CHEK1: variants seen among roughly 807,000 people sequenced by gnomAD.
The protein encoded by CHEK1 is checkpoint kinase 1.
A neutral mutation model predicts 60.2 loss-of-function variants in CHEK1; 32 were observed. That is an observed-to-expected ratio of 0.53 (90% confidence interval 0.40 to 0.71). CHEK1 has a LOEUF of 0.71. CHEK1 is among the 30% of genes least tolerant of loss of function. The pLI is 0.00. For missense variants in CHEK1, 399 were observed against 564.6 expected, an observed-to-expected ratio of 0.71 and a Z score of 2.97; for synonymous variants, 179 against 187.2, an observed-to-expected ratio of 0.96 and a Z score of 0.36.
At chr11:125,674,317 G>C (rs999323651) in intron 13 of CHEK1, among the ~76,000 whole-genome samples, 1 of 152,164 alleles carries the variant, frequency 6.6e-6, no homozygotes, top group African/African-American at 2.4e-5. Context: ...TTGGTATTTT[G>C]ATTAAGGGGG....
intron 13 of CHEK1, among the ~76,000 whole-genome samples, chr11:125,663,517 T>G (rs1942052697): frequency 6.6e-6 from 1 of 152,110 alleles, no homozygotes; most frequent in African/African-American, 2.4e-5. Context: ...ATTTGTTTAT[T>G]TTTATGTATT....
chr11:125,679,406 CAG>C (rs908184564), downstream of CHEK1, among the ~76,000 whole-genome samples: 29 of 151,986 alleles, frequency 1.9e-4, 1 homozygote, highest in African/African-American at 6.5e-4. Flanking sequence ...TTAGTAGAGA[CAG>C]GGTCTCGCCA....
chr11:125,674,406 A>C (rs982079003), intron 13 of CHEK1, among the ~76,000 whole-genome samples: 6 of 152,240 alleles, frequency 3.9e-5, no homozygotes, highest in African/African-American at 1.4e-4. Context: ...TCGATTAGAA[A>C]GGAAAGAGGA....
At chr11:125,658,959 T>A (rs1941966170), downstream of CHEK1, among the ~76,000 whole-genome samples, 1 of 152,190 alleles carries the variant, frequency 6.6e-6, no homozygotes, top group Admixed American at 6.5e-5. Flanking sequence ...GTGCTGGGAT[T>A]ACAGGTGTGA....
rs1262483486 is a variant in CHEK1 at position 125,625,822 on chromosome 11, T to C, written c.-211T>C. 1.4e-6 allele frequency: 1 copy of C among 702,590 alleles called. No individual in the cohort carries two copies. The highest frequency in any genetic ancestry group is 2.6e-6 in the Non-Finnish European group (1 of 384,966). The allele number at this position is 702,590 out of a possible 1,614,324, so 43.5% of individuals were successfully genotyped here. On this transcript the variant is annotated 5_prime_UTR_variant, in exon 1 of 13. Coordinates refer to ENST00000438015, the MANE Select transcript of CHEK1 (RefSeq NM_001114122.3). ...TCTCTCCCCGACTGCAAAGCAGCCC[T>C]GGGCGGGAGCGGCAACATCTCCACG...
intron 13 of CHEK1, among the ~76,000 whole-genome samples, chr11:125,664,786 A>G (rs1942071084): frequency 6.6e-6 from 1 of 152,014 alleles, no homozygotes; most frequent in African/African-American, 2.4e-5. Context: ...ATGTAATACT[A>G]TGTCTGTTTT....
chr11:125,662,657 C>T (rs1048573197), intron 13 of CHEK1, among the ~76,000 whole-genome samples: 3 of 152,158 alleles, frequency 2.0e-5, no homozygotes, highest in African/African-American at 7.2e-5. Flanking sequence ...GTTATATCTA[C>T]TCTTTTGCTA....
At chr11:125,666,611 C>G (rs1565389271) in intron 13 of CHEK1, among the ~76,000 whole-genome samples, 4 of 152,244 alleles carry the variant, frequency 2.6e-5, no homozygotes, top group Admixed American at 2.0e-4. Context: ...CCTAATATTA[C>G]TGTATTGCAG....
chr11:125,675,208 C>T lies in CHEK1; in HGVS notation c.*28-720C>T, dbSNP rs370989065. On this transcript the variant is annotated intron_variant, in intron 13 of 13. Transcript: ENST00000428830. ...AAGATTGAGAACTCCTGGCCCAAAT[C>T]GTAAATGTTCCCTCAAAGCATTTTC... Among the ~76,000 whole-genome samples, 30 of 152,292 alleles carry T rather than the reference C, an allele frequency of 2.0e-4. No homozygotes were observed. The East Asian group carries it at 4.6e-3, about 23-fold the overall frequency.
At chr11:125,628,327 G>T (rs566956628) in intron 3 of CHEK1, among the ~76,000 whole-genome samples, 3 of 152,046 alleles carry the variant, frequency 2.0e-5, no homozygotes, top group African/African-American at 4.8e-5. Flanking sequence ...TTAAATATTC[G>T]ATGTAGAATC....
In CHEK1 at chr11:125,637,670, A is replaced by G. The variant is rs1941128472; in HGVS notation, c.814+126A>G. The G allele has an allele frequency of 1.8e-5, 9 of 511,998 alleles. No individual in the cohort carries two copies. In the South Asian group the frequency reaches 3.2e-4, roughly 18 times the overall value. The allele number at this position is 511,998 out of a possible 1,614,324, so 31.7% of individuals were successfully genotyped here. On this transcript the variant is annotated intron_variant, in intron 8 of 12. Coordinates refer to ENST00000438015, the MANE Select transcript of CHEK1 (RefSeq NM_001114122.3). ...TGTCCTCATGGAGATTATAATGTCC[A>G]GTAGAAAAAAATACAGAAATAATTT...
chr11:125,649,249 C>T (rs1177531404), intron 11 of CHEK1, among the ~76,000 whole-genome samples: 1 of 152,054 alleles, frequency 6.6e-6, no homozygotes, highest in Non-Finnish European at 1.5e-5. Context: ...CTTAAAGGCA[C>T]GATCATAGTG....
Position 125,626,841 on chromosome 11 carries a change from CT to C in CHEK1, c.65+12del, listed in dbSNP as rs1565361102. 5.6e-6 allele frequency: 9 copies of C among 1,614,034 alleles called. No individual in the cohort carries two copies. The highest frequency in any genetic ancestry group is 7.6e-6 in the Non-Finnish European group (9 of 1,179,952). On this transcript the variant is annotated intron_variant, in intron 2 of 12. Coordinates refer to ENST00000438015, the MANE Select transcript of CHEK1 (RefSeq NM_001114122.3). ...AGAAGGTGCCTATGGAGAGTGAGTT[CT>C]TTTAAGCTTGCCTTCGTTTTCTGAG...
chr11:125,673,163 C>T (rs1212714974), intron 13 of CHEK1, among the ~76,000 whole-genome samples: 2 of 149,078 alleles, frequency 1.3e-5, no homozygotes, highest in South Asian at 2.1e-4. Context: ...ACTTTTTTAA[C>T]CTCTTTGCTT....
intron 11 of CHEK1, among the ~76,000 whole-genome samples, chr11:125,648,363 A>G (rs1941577812): frequency 6.6e-6 from 1 of 152,086 alleles, no homozygotes; most frequent in Admixed American, 6.6e-5. Flanking sequence ...CGGGTGGATC[A>G]TGAGGTCAAG....
chr11:125,672,724 G>A, intron 13 of CHEK1: 5 of 1,614,014 alleles, frequency 3.1e-6, no homozygotes, highest in Non-Finnish European at 4.2e-6. Context: ...CCACCTGAAA[G>A]GAGCAGAGAC....
downstream of CHEK1, among the ~76,000 whole-genome samples, chr11:125,661,747 CTCTT>C (rs981415137): frequency 7.2e-5 from 11 of 151,946 alleles, no homozygotes; most frequent in African/African-American, 2.7e-4. Context: ...GTCTCTTGTC[CTCTT>C]TCTGACAATC....
At chr11:125,641,817 C>T (rs1022920518) in intron 8 of CHEK1, among the ~76,000 whole-genome samples, 2 of 151,804 alleles carry the variant, frequency 1.3e-5, no homozygotes, top group African/African-American at 4.8e-5. Flanking sequence ...CTACTGTTAC[C>T]CTATCATTCC....
rs938596460 is a variant in CHEK1, at chr11:125,656,377, C to T, written c.*1057C>T. ...AATAAAAATTTTTAAAATTGTAAAA[C>T]ATTATAAAATTAATCAGTTATTTTA... On this transcript the variant is annotated 3_prime_UTR_variant, in exon 13 of 13. Coordinates refer to ENST00000438015, the MANE Select transcript of CHEK1 (RefSeq NM_001114122.3). The T allele has an allele frequency of 4.9e-6, 1 of 205,392 alleles. No homozygotes were observed. Among genetic ancestry groups the T allele is most frequent in the Non-Finnish European group, 9.9e-6 (1 of 100,520 alleles). 12.7% of individuals were successfully genotyped at this position (205,392 alleles called of 1,614,324 possible).
Sources: allele counts gnomAD v4.1 joint callset (sites outside exome capture counted in the v4.1 genomes callset), GRCh38; gene constraint gnomAD v4.1.1; transcripts MANE v1.5; gene names NCBI Gene and HGNC (gene_info 2026-07-23, HGNC 2026-07-21).